Variants in MALRD1 observed in about 807,000 individuals in gnomAD.
MALRD1 encodes MAM and LDL-receptor class A domain-containing protein 1.
Under a neutral mutation model 242.1 loss-of-function variants are expected in MALRD1, and 247 were observed. The ratio of observed to expected loss-of-function variants is 1.02; its 90% CI spans 0.92 to 1.13. The LOEUF is 1.13. Ranked by LOEUF, MALRD1 falls within the 50% of genes most tolerant of loss-of-function variation. The probability of loss-of-function intolerance (pLI) is 0.00; values close to 1 mark genes in which losing one functional copy is unlikely to be tolerated. For synonymous variants in MALRD1, 995 were observed against 866.6 expected (o/e 1.15, Z -2.60); for missense variants, 2,989 against 2,533.1 (o/e 1.18, Z -3.86).
intron 26 of MALRD1, among the ~76,000 whole-genome samples, chr10:19,363,113 A>C (rs2130712973): frequency 6.6e-6 from 1 of 152,232 alleles, no homozygotes; most frequent in Non-Finnish European, 1.5e-5. Context: ...ATTTGAATAC[A>C]AATCTAAGCT....
At chr10:19,671,379 AG>A (rs1434198500) in intron 36 of MALRD1, among the ~76,000 whole-genome samples, 4 of 152,180 alleles carry the variant, frequency 2.6e-5, no homozygotes, top group Admixed American at 6.5e-5. Context: ...ACACTTTGAG[AG>A]GCCAAGGTGG....
At position 19,734,214 on chromosome 10, in the gene MALRD1, A is replaced by T. The variant is rs779376235; in HGVS notation, c.6448A>T (p.Thr2150Ser). Residue 2150 changes from threonine to serine, a missense_variant, in exon 40 of 40, where the codon ACC becomes TCC. Coordinates refer to ENST00000454679, the MANE Select transcript of MALRD1 (RefSeq NM_001142308.3). ...LYGTTSGSLE[T>S]LSHHLK ...TGGCACAACATCAGGAAGCCTGGAG[A>T]CCCTGTCACATCATCTCAAATAGCA... is the stretch of plus-strand genomic sequence containing the variant. The T allele has an allele frequency of 2.9e-5, 44 of 1,535,738 alleles. No individual in the cohort carries two copies. Among genetic ancestry groups the T allele is most frequent in the Non-Finnish European group, 3.6e-5 (41 of 1,146,730 alleles).
chr10:19,189,695 G>C (rs946526237), intron 14 of MALRD1, among the ~76,000 whole-genome samples: 8 of 151,782 alleles, frequency 5.3e-5, no homozygotes, highest in Non-Finnish European at 1.5e-5. Flanking sequence ...TTAACAGAAC[G>C]AAGGAAAGAA....
chr10:19,186,526 G>C (rs917277211), intron 14 of MALRD1, among the ~76,000 whole-genome samples: 5 of 152,214 alleles, frequency 3.3e-5, no homozygotes, highest in Admixed American at 1.3e-4. Flanking sequence ...GGATAGTAGT[G>C]AAAATACGTG....
At chr10:19,311,886 T>C (rs1412656594) in intron 21 of MALRD1, among the ~76,000 whole-genome samples, 1 of 151,548 alleles carries the variant, frequency 6.6e-6, no homozygotes, top group Non-Finnish European at 1.5e-5. Context: ...TTTGTACTCA[T>C]GTTATTATAA....
At chr10:19,535,233 G>A (rs1438565284) in intron 32 of MALRD1, among the ~76,000 whole-genome samples, 4 of 152,022 alleles carry the variant, frequency 2.6e-5, no homozygotes, top group South Asian at 2.1e-4. Flanking sequence ...TGGAAACCAC[G>A]TGAGCATCAA....
intron 14 of MALRD1, among the ~76,000 whole-genome samples, chr10:19,202,700 A>G (rs1452628266): frequency 6.6e-6 from 1 of 152,214 alleles, no homozygotes; most frequent in African/African-American, 2.4e-5. Context: ...TGTAATCATC[A>G]TCAGTGAAAA....
chr10:19,362,185 G>C (rs1844921664), intron 26 of MALRD1, among the ~76,000 whole-genome samples: 1 of 151,970 alleles, frequency 6.6e-6, no homozygotes. Flanking sequence ...TAAACTCTCT[G>C]GTTATCAACT....
chr10:19,078,682 C>T (rs1469192482), intron 2 of MALRD1, among the ~76,000 whole-genome samples: 1 of 151,828 alleles, frequency 6.6e-6, no homozygotes, highest in Non-Finnish European at 1.5e-5. Context: ...TTTTTGATTA[C>T]TGATTTACTC....
intron 32 of MALRD1, among the ~76,000 whole-genome samples, chr10:19,554,554 TC>T (rs1835630776): frequency 6.6e-6 from 1 of 151,892 alleles, no homozygotes; most frequent in South Asian, 2.1e-4. Context: ...CCAACCCCAC[TC>T]CCCACAGGCC....
At chr10:19,329,118 C>G (rs771298073) in intron 23 of MALRD1, among the ~76,000 whole-genome samples, 3 of 152,132 alleles carry the variant, frequency 2.0e-5, no homozygotes, top group Non-Finnish European at 2.9e-5. Flanking sequence ...GAGTATACCC[C>G]TGATTTTTTT....
At chr10:19,599,797 G>A (rs1838268612) in intron 34 of MALRD1, among the ~76,000 whole-genome samples, 2 of 152,126 alleles carry the variant, frequency 1.3e-5, no homozygotes, top group African/African-American at 4.8e-5. Flanking sequence ...TACTTGGTAA[G>A]AGGCATGACA....
chr10:19,620,262 A>G (rs1202066284), intron 36 of MALRD1, among the ~76,000 whole-genome samples: 3 of 151,868 alleles, frequency 2.0e-5, no homozygotes, highest in African/African-American at 4.8e-5. Flanking sequence ...TTATTTCATC[A>G]CCCAGATAAT....
intron 21 of MALRD1, among the ~76,000 whole-genome samples, chr10:19,291,811 T>C (rs760504585): frequency 2.0e-5 from 3 of 151,718 alleles, no homozygotes; most frequent in Non-Finnish European, 4.4e-5. Flanking sequence ...GTGGGCCAGG[T>C]GCAGTGCTTC....
At chr10:19,138,485 A>G (rs1833432990) in intron 10 of MALRD1, among the ~76,000 whole-genome samples, 1 of 147,500 alleles carries the variant, frequency 6.8e-6, no homozygotes, top group East Asian at 2.0e-4. Flanking sequence ...CAATGGCATG[A>G]TCTCGGCTCA....
chr10:19,161,260 A>T (rs1249969599), intron 12 of MALRD1, among the ~76,000 whole-genome samples: 1 of 118,452 alleles, frequency 8.4e-6, no homozygotes, highest in African/African-American at 3.0e-5. Flanking sequence ...AGAACAAAAA[A>T]CCAAACACCA....
chr10:19,082,202 G>T (rs771975105), intron 2 of MALRD1, among the ~76,000 whole-genome samples: 66 of 150,612 alleles, frequency 4.4e-4, no homozygotes, highest in Non-Finnish European at 8.7e-4. Context: ...ATTAGTTGTT[G>T]CCCTAGGGAT....
chr10:19,333,794 A>G (rs1038503845), intron 24 of MALRD1, among the ~76,000 whole-genome samples: 2 of 151,942 alleles, frequency 1.3e-5, no homozygotes, highest in Non-Finnish European at 2.9e-5. Context: ...TTTCTCGGTA[A>G]CCTCGCCAAC....
At chr10:19,230,179 C>A (rs1474927513) in intron 18 of MALRD1, among the ~76,000 whole-genome samples, 5 of 152,160 alleles carry the variant, frequency 3.3e-5, no homozygotes, top group African/African-American at 1.2e-4. Flanking sequence ...CATTAAACCT[C>A]TTTTTCTTTA....
Sources: allele counts gnomAD v4.1 joint callset (sites outside exome capture counted in the v4.1 genomes callset), GRCh38; gene constraint gnomAD v4.1.1; transcripts MANE v1.5; gene names NCBI Gene and HGNC (gene_info 2026-07-23, HGNC 2026-07-21).